Variants in DEAF1 observed in about 807,000 individuals in gnomAD.
DEAF1 encodes deformed epidermal autoregulatory factor 1 homolog.
Under a neutral mutation model 58.9 loss-of-function variants are expected in DEAF1, and 53 were observed. The ratio of observed to expected loss-of-function variants is 0.90; its 90% CI spans 0.72 to 1.13. DEAF1 has a LOEUF of 1.13. DEAF1 is among the 50% of genes most tolerant of loss of function. The pLI is 0.00. For synonymous variants in DEAF1, 385 were observed against 340.4 expected, an observed-to-expected ratio of 1.13 and a Z score of -1.44; for missense variants, 685 against 791.4, an observed-to-expected ratio of 0.87 and a Z score of 1.61.
chr11:661,248 C>T (rs1229570665), intron 10 of DEAF1, among the ~76,000 whole-genome samples: 1 of 152,164 alleles, frequency 6.6e-6, no homozygotes, highest in Admixed American at 6.6e-5. Context: ...CGGCTGGCTT[C>T]CACTGGACAC....
upstream of DEAF1, chr11:695,830 G>T: frequency 2.4e-6 from 3 of 1,230,750 alleles, no homozygotes; most frequent in Non-Finnish European, 3.0e-6. Flanking sequence ...CGGGTAAGAT[G>T]GCGGCCCCGC....
chr11:691,689 C>G, intron 1 of DEAF1, 91 bp from the exon 2 acceptor site: 1 of 1,084,022 alleles, frequency 9.2e-7, no homozygotes, highest in Non-Finnish European at 1.4e-6. Context: ...CAAAGTGACT[C>G]CCCCTCAGGT....
intron 10 of DEAF1, among the ~76,000 whole-genome samples, chr11:655,809 C>T (rs1478219367): frequency 6.6e-6 from 1 of 150,818 alleles, no homozygotes; most frequent in African/African-American, 2.4e-5. Flanking sequence ...TAGGTTGCCC[C>T]CTGCCTCTAC....
At chr11:670,916 C>T (rs1262130024) in intron 10 of DEAF1, among the ~76,000 whole-genome samples, 1 of 139,380 alleles carries the variant, frequency 7.2e-6, no homozygotes, top group Non-Finnish European at 1.5e-5. Flanking sequence ...TGGCATGTCA[C>T]CACACCTGGC....
At position 685,363 on chromosome 11, in the gene DEAF1, C is replaced by T. The variant is rs571519793; in HGVS notation, c.805-400G>A. ...CCTCCCGAAGTGCTGGGATTACAAG[C>T]GTAAGCCACCGTGCCCAACCTCATA... is the stretch of plus-strand genomic sequence containing the variant. On this transcript the variant is annotated intron_variant, in intron 5 of 11. Coordinates refer to ENST00000382409, the MANE Select transcript of DEAF1 (RefSeq NM_021008.4). 2.0e-5 allele frequency among the ~76,000 whole-genome samples: 3 copies of T among 152,224 alleles called. No homozygotes were observed. In the East Asian group the frequency reaches 5.8e-4, roughly 30 times the overall value.
At chr11:655,723 T>TA (rs145663916) in intron 10 of DEAF1, among the ~76,000 whole-genome samples, 2,856 of 152,342 alleles carry the variant, frequency 0.019, 82 homozygotes, top group African/African-American at 0.064. Flanking sequence ...TTTCCAGTTG[T>TA]AAGACATTCA....
intron 5 of DEAF1, 107 bp downstream of exon 5, chr11:686,751 C>T: frequency 6.7e-7 from 1 of 1,488,542 alleles, no homozygotes; most frequent in Non-Finnish European, 9.2e-7. Context: ...AGGCTGCAAA[C>T]CCCATTTGTC....
chr11:692,926 T>C (rs1036209167), intron 1 of DEAF1, among the ~76,000 whole-genome samples: 2 of 151,112 alleles, frequency 1.3e-5, no homozygotes. Context: ...TCCCTCATCC[T>C]CGCCTCTCAG....
At chr11:698,621 C>T (rs550807104), upstream of DEAF1, among the ~76,000 whole-genome samples, 266 of 152,266 alleles carry the variant, frequency 1.7e-3, 2 homozygotes, top group African/African-American at 6.1e-3. Flanking sequence ...CTTCCCACCC[C>T]GGTGCCCCCG....
At chr11:645,991 G>A (rs1444528585) in intron 11 of DEAF1, among the ~76,000 whole-genome samples, 2 of 152,032 alleles carry the variant, frequency 1.3e-5, no homozygotes, top group Non-Finnish European at 2.9e-5. Context: ...AGTGGTTCAC[G>A]GCTGTAATCC....
chr11:671,826 T>TAA lies in DEAF1; in HGVS notation c.1503+2708_1503+2709dup, dbSNP rs35325757. On this transcript the variant is annotated intron_variant, in intron 10 of 11. Transcript: ENST00000382409. Reference sequence around the variant, plus strand: ...GGCAACAGAGTGAGACCTTACCTCTTAAAAAAAAAAAAAAAAAAAAAAAGA... The same window carrying TAA: ...GGCAACAGAGTGAGACCTTACCTCTTAAAAAAAAAAAAAAAAAAAAAAAAAGA... 9.4e-4 allele frequency among the ~76,000 whole-genome samples: 60 copies of TAA among 63,628 alleles called. 1 individual carries two copies. Among genetic ancestry groups the TAA allele is most frequent in the African/African-American group, 2.5e-3 (36 of 14,444 alleles). The allele number at this position is 63,628 out of a possible 152,430, so 41.7% of individuals were successfully genotyped here.
Position 688,149 on chromosome 11 carries a change from C to T in DEAF1, c.518-92G>A, listed in dbSNP as rs1860678598. 6.3e-7 allele frequency: 1 copy of T among 1,576,396 alleles called. No homozygotes were observed. Among genetic ancestry groups the T allele is most frequent in the South Asian group, 1.1e-5 (1 of 88,478 alleles). ...AGACACCACCTCCCCGGCAGCGCCA[C>T]CTCCTTCAACGGCGGAAAAACTTCT... On this transcript the variant is annotated intron_variant, in intron 3 of 11. Coordinates refer to ENST00000382409, the MANE Select transcript of DEAF1 (RefSeq NM_021008.4). The surrounding 1 kb of genome is among the most constrained non-coding windows in gnomAD (Gnocchi z 4.3).
intron 1 of DEAF1, chr11:703,280 G>A: frequency 2.1e-6 from 3 of 1,440,400 alleles, no homozygotes; most frequent in Non-Finnish European, 2.7e-6. Context: ...GGTTTTGGAT[G>A]GTTCCATCTG....
chr11:696,658 C>T (rs1475594034), upstream of DEAF1, among the ~76,000 whole-genome samples: 1 of 10,012 alleles, frequency 1.0e-4, no homozygotes, highest in African/African-American at 2.4e-4. Flanking sequence ...CCAAGCTATT[C>T]TGGAGGCTGA....
chr11:664,203 A>G (rs900877415), intron 10 of DEAF1, among the ~76,000 whole-genome samples: 42 of 152,030 alleles, frequency 2.8e-4, no homozygotes, highest in South Asian at 6.2e-4. Context: ...ACAAGAGCGA[A>G]ACTCTGTCTC....
chr11:663,039 G>T lies in DEAF1; in HGVS notation c.1504-8988C>A. On this transcript the variant is annotated intron_variant, in intron 10 of 11. Transcript: ENST00000382409. ...TTTACTACTGGCCTGGGGGCCAGAAGCAGGGGCTCACGCCTAGAGTCCCAG... is the reference window on the plus strand; with the variant it reads ...TTTACTACTGGCCTGGGGGCCAGAATCAGGGGCTCACGCCTAGAGTCCCAG... 1.3e-5 allele frequency among the ~76,000 whole-genome samples: 2 copies of T among 152,246 alleles called. 1 individual carries two copies. Among genetic ancestry groups the T allele is most frequent in the East Asian group, 3.8e-4 (2 of 5,202 alleles).
rs758714921 is a variant in DEAF1 at position 688,234 on chromosome 11, T to C, written c.517+97A>G. On this transcript the variant is annotated intron_variant, in intron 3 of 11. Transcript: ENST00000382409. This position sits in a 1 kb window ranked among gnomAD's most constrained non-coding sequence, Gnocchi z 4.3. The stretch of plus-strand genomic sequence containing the variant: ...CTATTAATAGATGATATTCCAAATT[T>C]ACCACAAAAAGAAACAAGTAAATAA... 96 of 1,543,986 alleles carry C rather than the reference T, an allele frequency of 6.2e-5. No individual in the cohort carries two copies. Among genetic ancestry groups the C allele is most frequent in the Non-Finnish European group, 7.8e-5 (89 of 1,141,374 alleles).
At chr11:657,934 A>C (rs1363406640) in intron 10 of DEAF1, among the ~76,000 whole-genome samples, 1 of 152,154 alleles carries the variant, frequency 6.6e-6, no homozygotes, top group Non-Finnish European at 1.5e-5. Context: ...CCTAGAGCAG[A>C]AACAGGACAT....
intron 10 of DEAF1, among the ~76,000 whole-genome samples, chr11:669,621 A>T (rs1859715514): frequency 1.3e-5 from 2 of 149,244 alleles, no homozygotes; most frequent in African/African-American, 5.0e-5. Flanking sequence ...GGGCAACAAG[A>T]GCGAAACTTG....
Sources: allele counts gnomAD v4.1 joint callset (sites outside exome capture counted in the v4.1 genomes callset), GRCh38; gene constraint gnomAD v4.1.1; non-coding constraint Gnocchi (gnomAD v3.1); transcripts MANE v1.5; gene names NCBI Gene and HGNC (gene_info 2026-07-23, HGNC 2026-07-21).